Variants in ITPR2 observed in about 807,000 individuals in gnomAD.
The protein encoded by ITPR2 is inositol 1,4,5-trisphosphate-gated calcium channel ITPR2.
A neutral mutation model predicts 317.1 loss-of-function variants in ITPR2; 207 were observed. The ratio of observed to expected loss-of-function variants is 0.65; its 90% CI spans 0.58 to 0.73. The LOEUF is 0.73. Ranked by LOEUF, ITPR2 falls within the 30% of genes least tolerant of loss-of-function variation. The pLI, the probability that ITPR2 is intolerant of heterozygous loss-of-function variation, is 0.00. For missense variants in ITPR2, 2,613 were observed against 3,284.0 expected (o/e 0.80, Z 4.99); for synonymous variants, 1,156 against 1,149.1 (o/e 1.01, Z -0.12).
intron 55 of ITPR2, among the ~76,000 whole-genome samples, chr12:26,345,619 T>G (rs1197555790): frequency 6.6e-6 from 1 of 152,196 alleles, no homozygotes; most frequent in African/African-American, 2.4e-5. Context: ...TCATGAAAAT[T>G]AACTCCAATA....
chr12:26,478,476 C>A (rs1942466583), intron 43 of ITPR2, among the ~76,000 whole-genome samples: 1 of 152,054 alleles, frequency 6.6e-6, no homozygotes. Flanking sequence ...ACCTTGGCAA[C>A]ACTGACAGTG....
At chr12:26,611,476 T>G (rs757359262) in intron 26 of ITPR2, among the ~76,000 whole-genome samples, 8 of 152,148 alleles carry the variant, frequency 5.3e-5, no homozygotes, top group Non-Finnish European at 1.0e-4. Flanking sequence ...AGTTTAAGCA[T>G]GAGACTTTAC....
At chr12:26,509,958 T>TTTTG (rs1247091708) in intron 37 of ITPR2, among the ~76,000 whole-genome samples, 3 of 53,260 alleles carry the variant, frequency 5.6e-5, no homozygotes, top group Non-Finnish European at 1.2e-4. Context: ...GATAAGGGTT[T>TTTTG]TGTGTGTGTG....
chr12:26,487,874 T>C (rs565750206), intron 39 of ITPR2, among the ~76,000 whole-genome samples: 1 of 152,368 alleles, frequency 6.6e-6, no homozygotes, highest in South Asian at 2.1e-4. Context: ...CAACTTCTTT[T>C]GGTTCCTCAT....
At chr12:26,773,180 A>G (rs1253338350) in intron 2 of ITPR2, among the ~76,000 whole-genome samples, 2 of 152,346 alleles carry the variant, frequency 1.3e-5, no homozygotes, top group East Asian at 3.9e-4. Flanking sequence ...CTGCTTCTCT[A>G]AAGTGTGGTT....
At chr12:26,560,234 C>T (rs1424694049) in intron 35 of ITPR2, among the ~76,000 whole-genome samples, 1 of 152,012 alleles carries the variant, frequency 6.6e-6, no homozygotes, top group Non-Finnish European at 1.5e-5. Flanking sequence ...TTCTGACCCA[C>T]TTTTTTTTCT....
chr12:26,611,720 G>A (rs957040274), intron 26 of ITPR2, among the ~76,000 whole-genome samples: 2 of 152,154 alleles, frequency 1.3e-5, no homozygotes, highest in Non-Finnish European at 2.9e-5. Flanking sequence ...CTGAAGCACT[G>A]CAATGCCCAC....
chr12:26,647,473 T>A (rs753065258), intron 21 of ITPR2, among the ~76,000 whole-genome samples: 2 of 152,258 alleles, frequency 1.3e-5, no homozygotes, highest in Non-Finnish European at 2.9e-5. Flanking sequence ...GGGTTGTATA[T>A]CCTTTAGCAA....
chr12:26,628,759 G>A (rs538258467), intron 22 of ITPR2, among the ~76,000 whole-genome samples: 11 of 152,190 alleles, frequency 7.2e-5, no homozygotes, highest in Admixed American at 1.3e-4. Flanking sequence ...GACTGTGCTA[G>A]GTGCCACAGG....
At chr12:26,734,996 C>CTTT (rs5797195) in intron 2 of ITPR2, among the ~76,000 whole-genome samples, 362 of 108,836 alleles carry the variant, frequency 3.3e-3, no homozygotes, top group East Asian at 5.3e-3. Flanking sequence ...GCAAGCCAGT[C>CTTT]TTTTTTTTTT....
chr12:26,550,968 T>A lies in ITPR2; in HGVS notation c.4965-613A>T, dbSNP rs1219519577. 2.0e-5 allele frequency among the ~76,000 whole-genome samples: 3 copies of A among 152,282 alleles called. No individual in the cohort carries two copies. The South Asian group carries it at 6.2e-4, about 32-fold the overall frequency. On this transcript the variant is annotated intron_variant, in intron 36 of 56. Transcript: ENST00000381340. The stretch of plus-strand genomic sequence containing the variant: ...GGTATAATTTGGGCAAAAACTCCAA[T>A]CAATTTTCATCAAGTGGTACACTGT...
chr12:26,674,216 A>G (rs1234824849), intron 13 of ITPR2, among the ~76,000 whole-genome samples: 8 of 151,344 alleles, frequency 5.3e-5, no homozygotes, highest in African/African-American at 1.9e-4. Flanking sequence ...ATATGGAACC[A>G]AAAAAGAGCC....
rs775014601 is a variant in ITPR2 at position 26,832,806 on chromosome 12, G to T, written c.-25C>A. On this transcript the variant is annotated 5_prime_UTR_variant, in exon 1 of 57. Coordinates refer to ENST00000381340, the MANE Select transcript of ITPR2 (RefSeq NM_002223.4). Reference sequence around the variant, plus strand: ...TGCTGCTTCATGTTCCACAGTGGACGTCCCTCTTCTTCCCTGCGCCCTCGC... The same window carrying T: ...TGCTGCTTCATGTTCCACAGTGGACTTCCCTCTTCTTCCCTGCGCCCTCGC... 22 of 1,553,922 alleles carry T rather than the reference G, an allele frequency of 1.4e-5. No individual in the cohort carries two copies. The highest frequency in any genetic ancestry group is 1.0e-4 in the Admixed American group (6 of 58,384).
rs12819796 is a variant in ITPR2 at position 26,652,539 on chromosome 12, G to A, written c.2740+1437C>T. ...GTGCTCCACCCATGTCCCCTTTTCA[G>A]GGCTGAGGCTCTTATTGCCCCAGCT... On this transcript the variant is annotated intron_variant, in intron 21 of 56. Coordinates refer to ENST00000381340, the MANE Select transcript of ITPR2 (RefSeq NM_002223.4). 7.0e-3 allele frequency among the ~76,000 whole-genome samples: 1,063 copies of A among 152,182 alleles called. 5 individuals carry two copies. The highest frequency in any genetic ancestry group is 0.013 in the Admixed American group (199 of 15,296).
At chr12:26,427,474 T>C (rs948283072) in intron 49 of ITPR2, among the ~76,000 whole-genome samples, 4 of 152,308 alleles carry the variant, frequency 2.6e-5, no homozygotes, top group South Asian at 4.1e-4. Context: ...CCCAATTTAA[T>C]ATTTTCTCAT....
chr12:26,567,196 C>T (rs919312033), intron 34 of ITPR2, among the ~76,000 whole-genome samples: 1 of 152,110 alleles, frequency 6.6e-6, no homozygotes, highest in Non-Finnish European at 1.5e-5. Context: ...CAAAGAAGTG[C>T]TCAATGAATA....
chr12:26,547,873 C>T (rs1310446476), intron 37 of ITPR2, among the ~76,000 whole-genome samples: 1 of 152,122 alleles, frequency 6.6e-6, no homozygotes, highest in Admixed American at 6.5e-5. Context: ...AAATTTGGCG[C>T]CATAAACCTG....
At chr12:26,761,964 A>G (rs1034869978) in intron 2 of ITPR2, among the ~76,000 whole-genome samples, 5 of 152,228 alleles carry the variant, frequency 3.3e-5, no homozygotes, top group Non-Finnish European at 7.3e-5. Flanking sequence ...GAAAAATTCC[A>G]TAAAGGGCTT....
intron 2 of ITPR2, among the ~76,000 whole-genome samples, chr12:26,774,582 G>A (rs1211845013): frequency 1.3e-5 from 2 of 152,200 alleles, no homozygotes; most frequent in African/African-American, 4.8e-5. Flanking sequence ...CTTGGTGACT[G>A]AGCAGAGCGC....
Sources: gnomAD v4.1 joint callset for allele counts (sites outside exome capture counted in the v4.1 genomes callset) on GRCh38, gnomAD v4.1.1 for gene constraint, MANE v1.5 for transcripts, NCBI Gene and HGNC (gene_info 2026-07-23, HGNC 2026-07-21) for gene names.